Variants in ADGRL2 observed in about 807,000 individuals in gnomAD.
ADGRL2 encodes calcium-independent alpha-latrotoxin receptor 2.
Under a neutral mutation model 157.4 loss-of-function variants are expected in ADGRL2, and 44 were observed. The observed-to-expected ratio is 0.28, with a 90% confidence interval of 0.22 to 0.36. The LOEUF (loss-of-function observed/expected upper bound fraction) is 0.36, where lower values mean the gene tolerates loss of function less well. ADGRL2 is among the 10% of genes least tolerant of loss of function. ADGRL2 has a pLI of 1.00. For missense variants in ADGRL2, 1,510 were observed against 1,768.9 expected (o/e 0.85, Z 2.63); for synonymous variants, 585 against 624.7 (o/e 0.94, Z 0.95).
At chr1:81,567,135 C>A (rs2080580508) in intron 2 of ADGRL2, among the ~76,000 whole-genome samples, 1 of 152,060 alleles carries the variant, frequency 6.6e-6, no homozygotes, top group Admixed American at 6.6e-5. Context: ...CATGAGCTAA[C>A]AGCTAAGATA....
chr1:81,475,580 A>G (rs965520900), intron 2 of ADGRL2, among the ~76,000 whole-genome samples: 26 of 152,190 alleles, frequency 1.7e-4, no homozygotes, highest in African/African-American at 2.2e-4. Flanking sequence ...TGGATGAGGG[A>G]AAAAGAATGC....
intron 1 of ADGRL2, among the ~76,000 whole-genome samples, chr1:81,742,061 T>G (rs1390820084): frequency 6.6e-6 from 1 of 151,948 alleles, no homozygotes; most frequent in Non-Finnish European, 1.5e-5. Flanking sequence ...TAAAAGGCAG[T>G]AGTATGTATT....
At chr1:81,400,370 T>C (rs2076731070) in intron 1 of ADGRL2, among the ~76,000 whole-genome samples, 1 of 152,074 alleles carries the variant, frequency 6.6e-6, no homozygotes, top group Non-Finnish European at 1.5e-5. Flanking sequence ...CAGAGATGAA[T>C]GTAGGTTGCC....
At chr1:81,893,913 CA>C (rs2094325249) in intron 2 of ADGRL2, among the ~76,000 whole-genome samples, 2 of 152,136 alleles carry the variant, frequency 1.3e-5, no homozygotes, top group East Asian at 3.9e-4. Context: ...ACCTCAATAG[CA>C]AACACAAAAA....
At chr1:81,331,902 A>G (rs1661290066) in intron 1 of ADGRL2, among the ~76,000 whole-genome samples, 1 of 152,176 alleles carries the variant, frequency 6.6e-6, no homozygotes, top group Non-Finnish European at 1.5e-5. Flanking sequence ...TATAACTTAA[A>G]CAAAGGTGTT....
At chr1:81,423,894 T>A (rs2077167979) in intron 1 of ADGRL2, among the ~76,000 whole-genome samples, 1 of 152,158 alleles carries the variant, frequency 6.6e-6, no homozygotes, top group South Asian at 2.1e-4. Flanking sequence ...TACAAAAAAA[T>A]GAAAGAACTG....
intron 1 of ADGRL2, among the ~76,000 whole-genome samples, chr1:81,811,072 G>T (rs2089815641): frequency 6.6e-6 from 1 of 151,684 alleles, no homozygotes; most frequent in Non-Finnish European, 1.5e-5. Flanking sequence ...ATTGTTACGG[G>T]TTTTAAACTA....
rs1414214274 is a variant in ADGRL2 at position 81,464,614 on chromosome 1, G to C, written c.-248+19525G>C. Among the ~76,000 whole-genome samples, 8 of 152,216 alleles carry C rather than the reference G, an allele frequency of 5.3e-5. No individual in the cohort carries two copies. In the East Asian group the frequency reaches 1.5e-3, roughly 29 times the overall value. ...TAATGGACTTGATAATAAAACACTG[G>C]TAGACATGCTGTGTGCAGTGCCCAT... On this transcript the variant is annotated intron_variant, in intron 2 of 24. Transcript: ENST00000370721.
At chr1:81,471,603 A>G (rs1333729579) in intron 2 of ADGRL2, among the ~76,000 whole-genome samples, 1 of 152,236 alleles carries the variant, frequency 6.6e-6, no homozygotes, top group East Asian at 1.9e-4. Flanking sequence ...AACAGCTGAA[A>G]TGCTTCACCT....
intron 2 of ADGRL2, among the ~76,000 whole-genome samples, chr1:81,878,708 A>G (rs1017622105): frequency 6.6e-6 from 1 of 152,186 alleles, no homozygotes; most frequent in Non-Finnish European, 1.5e-5. Context: ...CTTTTCAACT[A>G]TTTTGTAACT....
chr1:81,865,825 T>G (rs1415728306), intron 2 of ADGRL2, among the ~76,000 whole-genome samples: 4 of 152,200 alleles, frequency 2.6e-5, no homozygotes, highest in African/African-American at 9.6e-5. Context: ...TTGTGACATT[T>G]AAAGAGAAAA....
At chr1:81,441,680 G>A (rs2077509906) in intron 1 of ADGRL2, among the ~76,000 whole-genome samples, 1 of 152,096 alleles carries the variant, frequency 6.6e-6, no homozygotes. Context: ...TGGGATTACA[G>A]GCATGTGCCA....
chr1:81,484,368 G>A (rs1000127062), intron 2 of ADGRL2, among the ~76,000 whole-genome samples: 2 of 152,086 alleles, frequency 1.3e-5, no homozygotes, highest in Non-Finnish European at 2.9e-5. Flanking sequence ...GTTTCTGAAT[G>A]AACCTCAACA....
At position 81,500,582 on chromosome 1, in the gene ADGRL2, A is replaced by G. The variant is rs181614791; in HGVS notation, c.-248+55493A>G. Among the ~76,000 whole-genome samples, 218 of 152,314 alleles carry G rather than the reference A, an allele frequency of 1.4e-3. 1 individual carries two copies. Among genetic ancestry groups the G allele is most frequent in the Non-Finnish European group, 2.4e-3 (164 of 68,024 alleles). ...AATACTGCAGGATCTCACTTATATA[A>G]GAGGTACCTGGAATAGTCAAATTCA... is the stretch of plus-strand genomic sequence containing the variant. On this transcript the variant is annotated intron_variant, in intron 2 of 24. Coordinates refer to the ADGRL2 transcript ENST00000370721.
chr1:81,397,603 G>A (rs1216524331), intron 1 of ADGRL2, among the ~76,000 whole-genome samples: 2 of 152,082 alleles, frequency 1.3e-5, no homozygotes, highest in Admixed American at 1.3e-4. Flanking sequence ...ATAGGCATGA[G>A]CCACTGCGCC....
At chr1:81,733,497 T>C (rs1178877181) in intron 1 of ADGRL2, among the ~76,000 whole-genome samples, 1 of 152,202 alleles carries the variant, frequency 6.6e-6, no homozygotes, top group South Asian at 2.1e-4. Context: ...TCTCCCAGTG[T>C]GTCCTAATTC....
At chr1:81,516,918 G>T (rs1489152230) in intron 2 of ADGRL2, among the ~76,000 whole-genome samples, 1 of 143,028 alleles carries the variant, frequency 7.0e-6, no homozygotes, top group African/African-American at 2.6e-5. Flanking sequence ...CGGTGGCGCA[G>T]ACACACTAAC....
At chr1:81,379,775 G>T (rs2076312749) in intron 1 of ADGRL2, among the ~76,000 whole-genome samples, 1 of 152,176 alleles carries the variant, frequency 6.6e-6, no homozygotes, top group Non-Finnish European at 1.5e-5. Context: ...TTGTTGTCCA[G>T]CAGCTTCTGT....
intron 3 of ADGRL2, among the ~76,000 whole-genome samples, chr1:81,930,478 C>CA (rs1442199751): frequency 2.6e-5 from 4 of 152,080 alleles, no homozygotes; most frequent in African/African-American, 9.7e-5. Flanking sequence ...GACCTGAGAA[C>CA]ATTGATTACA....
Sources: gnomAD v4.1 joint callset for allele counts (sites outside exome capture counted in the v4.1 genomes callset) on GRCh38, gnomAD v4.1.1 for gene constraint, MANE v1.5 for transcripts, NCBI Gene and HGNC (gene_info 2026-07-23, HGNC 2026-07-21) for gene names.